The following FRMD4A variants were observed in gnomAD, a reference collection of about 807,000 sequenced individuals.
The protein encoded by FRMD4A is FERM domain-containing protein 4A.
Under a neutral mutation model 129.1 loss-of-function variants are expected in FRMD4A, and 29 were observed. The ratio of observed to expected loss-of-function variants is 0.22; its 90% CI spans 0.17 to 0.31. The LOEUF is 0.31. Among genes scored for constraint, FRMD4A ranks in the 10% least tolerant of loss-of-function variants. FRMD4A has a pLI of 1.00. For missense variants in FRMD4A, 1,272 were observed against 1,375.8 expected (o/e 0.92, Z 1.19); for synonymous variants, 634 against 571.6 (o/e 1.11, Z -1.56).
At chr10:13,676,583 C>T (rs2084026278) in intron 15 of FRMD4A, among the ~76,000 whole-genome samples, 1 of 152,112 alleles carries the variant, frequency 6.6e-6, no homozygotes, top group Non-Finnish European at 1.5e-5. Flanking sequence ...CCGATTACAA[C>T]TTTTCTTTGC....
intron 2 of FRMD4A, among the ~76,000 whole-genome samples, chr10:14,173,206 C>A (rs544545306): frequency 1.3e-5 from 2 of 152,260 alleles, no homozygotes; most frequent in African/African-American, 4.8e-5. Flanking sequence ...ATATTTCTAG[C>A]ATTATTGAAA....
chr10:13,873,270 G>GAAA (rs35088324), intron 2 of FRMD4A, among the ~76,000 whole-genome samples: 7,537 of 141,896 alleles, frequency 0.053, 671 homozygotes, highest in African/African-American at 0.18. Flanking sequence ...AGATAAGGCT[G>GAAA]AAAAAAAAAA....
At chr10:14,326,669 G>C (rs1296911617) in intron 2 of FRMD4A, 3 of 395,738 alleles carry the variant, frequency 7.6e-6, no homozygotes, top group African/African-American at 2.1e-5. Context: ...GAAGCCCCTT[G>C]GTTATTCATC....
At chr10:14,282,588 T>C (rs1845557328) in intron 2 of FRMD4A, among the ~76,000 whole-genome samples, 1 of 151,514 alleles carries the variant, frequency 6.6e-6, no homozygotes, top group Non-Finnish European at 1.5e-5. Context: ...TCAGTTACCC[T>C]CACTGCTAAC....
intron 2 of FRMD4A, among the ~76,000 whole-genome samples, chr10:14,156,955 T>G (rs2131863021): frequency 6.6e-6 from 1 of 152,336 alleles, no homozygotes; most frequent in East Asian, 1.9e-4. Flanking sequence ...TTTAAGCTGA[T>G]ACACCCTTGT....
At chr10:14,118,708 C>G (rs1838331770) in intron 2 of FRMD4A, among the ~76,000 whole-genome samples, 1 of 152,112 alleles carries the variant, frequency 6.6e-6, no homozygotes, top group Admixed American at 6.5e-5. Flanking sequence ...AGGGGAACTC[C>G]CATTTATAAA....
At chr10:13,674,872 C>T in intron 16 of FRMD4A, 39 bp downstream of exon 16, 2 of 1,604,308 alleles carry the variant, frequency 1.2e-6, no homozygotes, top group Non-Finnish European at 1.7e-6. Flanking sequence ...ACATCACAGA[C>T]AACACCAATT....
At chr10:14,113,072 G>T (rs1838008313) in intron 2 of FRMD4A, among the ~76,000 whole-genome samples, 1 of 152,158 alleles carries the variant, frequency 6.6e-6, no homozygotes, top group African/African-American at 2.4e-5. Context: ...GTTGTATTCT[G>T]TGGACTTAGG....
chr10:14,081,513 A>G (rs1431340981), intron 2 of FRMD4A, among the ~76,000 whole-genome samples: 2 of 152,154 alleles, frequency 1.3e-5, no homozygotes, highest in East Asian at 3.8e-4. Context: ...TTAACTTCTC[A>G]TCTAAAAATC....
chr10:13,882,023 G>C (rs1023910100), intron 2 of FRMD4A, among the ~76,000 whole-genome samples: 1 of 19,196 alleles, frequency 5.2e-5, no homozygotes, highest in African/African-American at 1.1e-4. Flanking sequence ...GTGTGTGTGT[G>C]TGTGTGTGTG....
chr10:14,130,175 T>G (rs897623316), intron 2 of FRMD4A, among the ~76,000 whole-genome samples: 1 of 152,242 alleles, frequency 6.6e-6, no homozygotes, highest in African/African-American at 2.4e-5. Context: ...AGATACCTTT[T>G]GCCCTCCATC....
chr10:14,100,687 T>C lies in FRMD4A; in HGVS notation c.45+229371A>G, dbSNP rs1837257353. ...TTGAAGTTAAGATTATTGAAGATTATTTCATGCTGAAAATAGAACATATAT... is the reference window on the plus strand; with the variant it reads ...TTGAAGTTAAGATTATTGAAGATTACTTCATGCTGAAAATAGAACATATAT... On this transcript the variant is annotated intron_variant, in intron 2 of 24. Coordinates refer to ENST00000357447, the MANE Select transcript of FRMD4A (RefSeq NM_018027.5). Among the ~76,000 whole-genome samples the C allele has an allele frequency of 2.0e-5, 3 of 152,168 alleles. No homozygotes were observed. In the South Asian group the frequency reaches 6.2e-4, roughly 32 times the overall value.
intron 2 of FRMD4A, among the ~76,000 whole-genome samples, chr10:14,180,807 G>C (rs569796713): frequency 3.3e-5 from 5 of 152,216 alleles, no homozygotes; most frequent in Non-Finnish European, 7.3e-5. Context: ...GCAGTGATGG[G>C]TTGTATGATT....
In FRMD4A at chr10:14,311,913, T is replaced by A. The variant is rs547008230; in HGVS notation, c.45+18145A>T. ...TTTTTCAACCCAGAGCATAAGGTCATTGAAGTGAGGGACCATGTCTTAAAA... is the reference window on the plus strand; with the variant it reads ...TTTTTCAACCCAGAGCATAAGGTCAATGAAGTGAGGGACCATGTCTTAAAA... On this transcript the variant is annotated intron_variant, in intron 2 of 24. Transcript: ENST00000357447. Among the ~76,000 whole-genome samples, 3 of 152,322 alleles carry A rather than the reference T, an allele frequency of 2.0e-5. No individual in the cohort carries two copies. In the South Asian group the frequency reaches 6.2e-4, roughly 32 times the overall value.
chr10:13,747,964 T>G (rs1205030817), intron 8 of FRMD4A, 145 bp from the exon 9 acceptor site: 7 of 634,154 alleles, frequency 1.1e-5, no homozygotes, highest in African/African-American at 1.1e-4. Flanking sequence ...GGGCGCTCTC[T>G]TTTTATTTCC....
chr10:14,274,996 A>G (rs1276574738), intron 2 of FRMD4A, among the ~76,000 whole-genome samples: 1 of 152,190 alleles, frequency 6.6e-6, no homozygotes, highest in African/African-American at 2.4e-5. Context: ...CTCTCCCACA[A>G]GGTGTGATCT....
intron 2 of FRMD4A, among the ~76,000 whole-genome samples, chr10:13,992,160 A>T (rs1325886535): frequency 2.4e-4 from 36 of 152,226 alleles, no homozygotes; most frequent in Admixed American, 2.4e-3. Flanking sequence ...TCTCAGCAAG[A>T]TGATACTAAG....
intron 2 of FRMD4A, among the ~76,000 whole-genome samples, chr10:13,980,951 A>G (rs951564963): frequency 6.6e-6 from 1 of 152,202 alleles, no homozygotes; most frequent in African/African-American, 2.4e-5. Context: ...GTAAGAAAAA[A>G]ATAAATCCTT....
In FRMD4A at chr10:13,714,027, C is replaced by CATATATATAAAATATATAATATATATAT. The variant is rs1554858885; in HGVS notation, c.760-6915_760-6914insATATATATATTATATATTTTATATATAT. Among the ~76,000 whole-genome samples the CATATATATAAAATATATAATATATATAT allele has an allele frequency of 1.4e-3, 44 of 31,164 alleles. 4 individuals are homozygous for CATATATATAAAATATATAATATATATAT. In the South Asian group the frequency reaches 0.02, roughly 14 times the overall value. 20.4% of individuals were successfully genotyped at this position (31,164 alleles called of 152,430 possible). A position where few individuals can be genotyped will look rare whatever the true frequency, so the allele number is the denominator to read the frequency against. On this transcript the variant is annotated intron_variant, in intron 12 of 24. Transcript: ENST00000357447. ...ATATAATATACATATATAAAATATA[C>CATATATATAAAATATATAATATATATAT]ATATATATATATATATATATATATA... is the stretch of plus-strand genomic sequence containing the variant.
Sources: gnomAD v4.1 joint callset for allele counts (sites outside exome capture counted in the v4.1 genomes callset) on GRCh38, gnomAD v4.1.1 for gene constraint, MANE v1.5 for transcripts, NCBI Gene and HGNC (gene_info 2026-07-23, HGNC 2026-07-21) for gene names.